Variants in CCDC171 observed in about 807,000 individuals in gnomAD.
CCDC171 encodes the protein coiled-coil domain-containing protein 171.
Under a neutral mutation model 168.2 loss-of-function variants are expected in CCDC171, and 177 were observed. The ratio of observed to expected loss-of-function variants is 1.05; its 90% CI spans 0.93 to 1.19. The LOEUF (loss-of-function observed/expected upper bound fraction) is 1.19, where lower values mean the gene tolerates loss of function less well. CCDC171 is among the 50% of genes most tolerant of loss of function. CCDC171 has a pLI of 0.00. For missense variants in CCDC171, 1,991 were observed against 1,539.0 expected (o/e 1.29, Z -4.91); for synonymous variants, 687 against 540.8 (o/e 1.27, Z -3.75).
intron 2 of CCDC171, among the ~76,000 whole-genome samples, chr9:15,569,345 A>G (rs1015814035): frequency 5.3e-5 from 8 of 152,226 alleles, no homozygotes; most frequent in Non-Finnish European, 1.0e-4. Flanking sequence ...ATAGGGGGTC[A>G]TAAAAGTACC....
rs963687989 is a variant in CCDC171 at position 15,726,699 on chromosome 9, A to G, written c.1693-1170A>G. 2.0e-5 allele frequency among the ~76,000 whole-genome samples: 3 copies of G among 152,140 alleles called. 1 individual carries two copies. The East Asian group carries it at 5.8e-4, about 29-fold the overall frequency. On this transcript the variant is annotated intron_variant, in intron 14 of 25. Transcript: ENST00000380701. ...TGATATTTGTAAGAAAATGTTCTCT[A>G]TAATTTCTAATTATAAAACTTTTAC...
In CCDC171 at chr9:15,816,477, G is replaced by C. The variant is rs184847633; in HGVS notation, c.3268-30225G>C. Among the ~76,000 whole-genome samples, 178 of 118,412 alleles carry C rather than the reference G, an allele frequency of 1.5e-3. 50 individuals are homozygous for C. Among genetic ancestry groups the C allele is most frequent in the African/African-American group, 5.4e-3 (171 of 31,766 alleles). 77.7% of individuals were successfully genotyped at this position (118,412 alleles called of 152,430 possible). A position where few individuals can be genotyped will look rare whatever the true frequency, so the allele number is the denominator to read the frequency against. On this transcript the variant is annotated intron_variant, in intron 21 of 25. Transcript: ENST00000380701. Reference sequence around the variant, plus strand: ...ATATCTTGTTTTTGAGGCATGCAGTGACATTATTTTTACTTATATTTTCGA... The same window carrying C: ...ATATCTTGTTTTTGAGGCATGCAGTCACATTATTTTTACTTATATTTTCGA...
intron 14 of CCDC171, 117 bp from the exon 15 acceptor site, chr9:15,727,752 G>T (rs890924660): frequency 6.0e-6 from 4 of 663,772 alleles, no homozygotes; most frequent in Non-Finnish European, 9.2e-6. Flanking sequence ...TCTGAGACTT[G>T]AGTATTGTAA....
chr9:15,997,217 A>G (rs1378822747), intron 3 of CCDC171, among the ~76,000 whole-genome samples: 2 of 152,186 alleles, frequency 1.3e-5, no homozygotes, highest in Admixed American at 1.3e-4. Flanking sequence ...ACCACAGTGC[A>G]GATAAGGTAA....
upstream of CCDC171, among the ~76,000 whole-genome samples, chr9:16,037,941 A>G (rs1033331334): frequency 1.3e-5 from 2 of 152,182 alleles, no homozygotes; most frequent in African/African-American, 4.8e-5. Context: ...ATATCATAAG[A>G]TTCAGGAAGT....
chr9:15,633,334 C>G lies in CCDC171; in HGVS notation c.822+9921C>G, dbSNP rs550324035. Reference sequence around the variant, plus strand: ...CTCAAACAAATTTACAAGAAAAAAACAAACAACCCCATCAAAAACGGGGCA... The same window carrying G: ...CTCAAACAAATTTACAAGAAAAAAAGAAACAACCCCATCAAAAACGGGGCA... On this transcript the variant is annotated intron_variant, in intron 7 of 25. Coordinates refer to ENST00000380701, the MANE Select transcript of CCDC171 (RefSeq NM_173550.4). Among the ~76,000 whole-genome samples the G allele has an allele frequency of 1.2e-4, 19 of 152,176 alleles. 1 individual carries two copies. The highest frequency in any genetic ancestry group is 3.9e-4 in the African/African-American group (16 of 41,514).
At chr9:15,699,090 TA>T (rs34680988) in intron 11 of CCDC171, among the ~76,000 whole-genome samples, 68,734 of 151,834 alleles carry the variant, frequency 0.45, 15,890 homozygotes, top group Non-Finnish European at 0.51. Context: ...CGGTGAGCGT[TA>T]ACAGTTCTTG....
chr9:15,937,556 T>A (rs1392391087), intron 25 of CCDC171, among the ~76,000 whole-genome samples: 1 of 151,968 alleles, frequency 6.6e-6, no homozygotes, highest in East Asian at 1.9e-4. Context: ...CCTTATATAC[T>A]ATGAATACTT....
At chr9:16,101,932 C>A in the CCDC171 span, among the ~76,000 whole-genome samples, 2 of 152,212 alleles carry the variant, frequency 1.3e-5, no homozygotes, top group Admixed American at 6.5e-5. Flanking sequence ...GAGTAGAGAA[C>A]CTGTCCAGAA....
At chr9:16,005,075 T>C (rs1243595852) in intron 3 of CCDC171, among the ~76,000 whole-genome samples, 6 of 152,228 alleles carry the variant, frequency 3.9e-5, no homozygotes, top group African/African-American at 1.4e-4. Context: ...AATGATACAG[T>C]ATTTTCACAA....
intron 11 of CCDC171, among the ~76,000 whole-genome samples, chr9:15,700,531 G>T (rs565101710): frequency 6.6e-6 from 1 of 152,264 alleles, no homozygotes; most frequent in African/African-American, 2.4e-5. Context: ...GTGCCGCCAA[G>T]GTTCGAGCCC....
intron 3 of CCDC171, among the ~76,000 whole-genome samples, chr9:16,013,670 C>T (rs1197653741): frequency 6.6e-6 from 1 of 152,160 alleles, no homozygotes; most frequent in African/African-American, 2.4e-5. Context: ...ATTGTGGGTT[C>T]AGTTTTGGGC....
chr9:15,587,608 G>C (rs1452346071), intron 4 of CCDC171: 1 of 456,404 alleles, frequency 2.2e-6, no homozygotes, highest in Non-Finnish European at 4.4e-6. Flanking sequence ...TGATGTTGGA[G>C]GTTTCCCAAT....
At chr9:15,600,688 C>T (rs985523319) in intron 6 of CCDC171, among the ~76,000 whole-genome samples, 1 of 152,220 alleles carries the variant, frequency 6.6e-6, no homozygotes, top group African/African-American at 2.4e-5. Flanking sequence ...TTTAAGTCTG[C>T]AGAGGTTTCT....
At chr9:15,952,442 G>C (rs1196988065) in intron 25 of CCDC171, among the ~76,000 whole-genome samples, 1 of 152,136 alleles carries the variant, frequency 6.6e-6, no homozygotes, top group African/African-American at 2.4e-5. Flanking sequence ...GTGTTTCCCA[G>C]GCTGGAGTAC....
chr9:15,738,652 C>G (rs1175612879), intron 16 of CCDC171, among the ~76,000 whole-genome samples: 1 of 151,836 alleles, frequency 6.6e-6, no homozygotes, highest in Non-Finnish European at 1.5e-5. Flanking sequence ...TGCTCTATAG[C>G]TGTTTCCACC....
chr9:16,019,219 A>G (rs1318033667), intron 3 of CCDC171, among the ~76,000 whole-genome samples: 1 of 152,180 alleles, frequency 6.6e-6, no homozygotes, highest in Non-Finnish European at 1.5e-5. Context: ...ACTCCTGTCT[A>G]AGAACCAAAG....
chr9:16,001,255 A>T (rs747124744), intron 3 of CCDC171, among the ~76,000 whole-genome samples: 1 of 152,012 alleles, frequency 6.6e-6, no homozygotes, highest in Non-Finnish European at 1.5e-5. Flanking sequence ...CTTCTGAAAA[A>T]ATTTATCTGT....
At chr9:15,887,315 T>G (rs1286056551) in intron 24 of CCDC171, among the ~76,000 whole-genome samples, 1 of 152,120 alleles carries the variant, frequency 6.6e-6, no homozygotes, top group East Asian at 1.9e-4. Context: ...AAATGTAGAG[T>G]AATTTTAGAA....
Sources: allele counts gnomAD v4.1 joint callset (sites outside exome capture counted in the v4.1 genomes callset), GRCh38; gene constraint gnomAD v4.1.1; transcripts MANE v1.5; gene names NCBI Gene and HGNC (gene_info 2026-07-23, HGNC 2026-07-21).